The following FAM133B variants were observed in gnomAD, a reference collection of about 807,000 sequenced individuals.
FAM133B encodes the protein family with sequence similarity 133 member B.
FAM133B carries 25 observed loss-of-function variants against 46.4 expected under a neutral mutation model. That is an observed-to-expected ratio of 0.54 (90% CI 0.39 to 0.75). FAM133B has a LOEUF of 0.75. FAM133B is among the 30% of genes least tolerant of loss of function. The pLI, the probability that FAM133B is intolerant of heterozygous loss-of-function variation, is 0.00. For synonymous variants in FAM133B, 75 were observed against 86.0 expected (o/e 0.87, Z 0.71); for missense variants, 205 against 277.6 (o/e 0.74, Z 1.86).
At chr7:92,588,639 C>G (rs958978616) in intron 1 of FAM133B, among the ~76,000 whole-genome samples, 1 of 152,134 alleles carries the variant, frequency 6.6e-6, no homozygotes, top group Non-Finnish European at 1.5e-5. Flanking sequence ...TCTGTGTCCC[C>G]GCCCAAATCT....
At chr7:92,589,902 C>G in intron 1 of FAM133B, 1 of 301,566 alleles carries the variant, frequency 3.3e-6, no homozygotes, top group South Asian at 4.7e-5. Context: ...CGGATGCGTC[C>G]AAGGGCCTAA....
At chr7:92,589,661 C>T (rs1475165495) in intron 1 of FAM133B, among the ~76,000 whole-genome samples, 1 of 152,206 alleles carries the variant, frequency 6.6e-6, no homozygotes, top group Non-Finnish European at 1.5e-5. Flanking sequence ...ATTTTCACGC[C>T]ATTCATTCCC....
At chr7:92,586,412 A>G (rs1795038973) in intron 1 of FAM133B, among the ~76,000 whole-genome samples, 1 of 152,240 alleles carries the variant, frequency 6.6e-6, no homozygotes, top group Admixed American at 6.5e-5. Flanking sequence ...ATTTTCACAA[A>G]GGTACAGGAG....
chr7:92,565,149 CTTTTT>C (rs72450473), intron 10 of FAM133B, among the ~76,000 whole-genome samples: 2 of 130,464 alleles, frequency 1.5e-5, no homozygotes, highest in African/African-American at 2.8e-5. Flanking sequence ...GCTTATATTT[CTTTTT>C]TTTTTTTTTT....
At chr7:92,582,556 C>T (rs941599016) in intron 1 of FAM133B, among the ~76,000 whole-genome samples, 1 of 151,950 alleles carries the variant, frequency 6.6e-6, no homozygotes, top group African/African-American at 2.4e-5. Flanking sequence ...AGACAATTCA[C>T]AGAATGAGAG....
chr7:92,578,349 A>G lies in FAM133B; in HGVS notation c.246T>C (p.Ser82=), dbSNP rs773498241. ...TTTTTTTGGATGAGCTCTCACTTCC[A>G]CTTAACAATTTCTCCCTGTGTTTTT... ...ELEKHREKLL[S]GSESSSKKRQ... Residue 82 remains serine, a synonymous_variant, in exon 4 of 11, where the codon AGT becomes AGC. Coordinates refer to ENST00000445716, the MANE Select transcript of FAM133B (RefSeq NM_152789.4). The G allele has an allele frequency of 6.2e-7, 1 of 1,613,630 alleles. No homozygotes were observed. The highest frequency in any genetic ancestry group is 1.1e-5 in the South Asian group (1 of 91,042).
At chr7:92,589,907 G>C (rs1191427766) in intron 1 of FAM133B, 1 of 346,344 alleles carries the variant, frequency 2.9e-6, no homozygotes, top group Non-Finnish European at 5.4e-6. Flanking sequence ...GCGTCCAAGG[G>C]CCTAAGTCTT....
chr7:92,567,616 G>C (rs1469728140), intron 9 of FAM133B, among the ~76,000 whole-genome samples: 1 of 152,088 alleles, frequency 6.6e-6, no homozygotes, highest in African/African-American at 2.4e-5. Context: ...CAATGACTAA[G>C]GGTGACAGCA....
chr7:92,572,118 G>C (rs1794550411), intron 8 of FAM133B, among the ~76,000 whole-genome samples: 1 of 152,098 alleles, frequency 6.6e-6, no homozygotes, highest in African/African-American at 2.4e-5. Context: ...ACAAAGTAAA[G>C]AGACGCCATG....
At chr7:92,576,285 G>A (rs1303023097) in intron 7 of FAM133B, among the ~76,000 whole-genome samples, 1 of 152,212 alleles carries the variant, frequency 6.6e-6, no homozygotes, top group Admixed American at 6.5e-5. Context: ...GATTCAATGA[G>A]TTAATAAATT....
rs769332443 is a variant in FAM133B, at chr7:92,577,700, TGAA to T, written c.324_326del (p.Ser112del). 158 of 1,583,234 alleles carry T rather than the reference TGAA, an allele frequency of 1.0e-4. No homozygotes were observed. Among genetic ancestry groups the T allele is most frequent in the East Asian group, 1.6e-4 (7 of 43,932 alleles). Reference sequence around the variant, plus strand: ...AACTGCTGGAAGAATCAGAGCTTGATGAAGAAGAAGATGAATACTTGACCAAGC... The same window carrying T: ...AACTGCTGGAAGAATCAGAGCTTGATGAAGAAGATGAATACTTGACCAAGC... On this transcript the variant is annotated inframe_deletion, in exon 6 of 11. Transcript: ENST00000445716.
intron 10 of FAM133B, 145 bp from the exon 11 acceptor site, chr7:92,562,513 A>G: frequency 8.5e-7 from 1 of 1,181,754 alleles, no homozygotes; most frequent in Non-Finnish European, 1.1e-6. Context: ...AAAAGTCTCA[A>G]CAACCAGTAT....
intron 1 of FAM133B, among the ~76,000 whole-genome samples, chr7:92,587,626 T>TGG (rs1338389668): frequency 1.3e-5 from 2 of 151,976 alleles, no homozygotes; most frequent in Non-Finnish European, 2.9e-5. Flanking sequence ...CCCAGCTACT[T>TGG]GGGAGGCTGA....
intron 8 of FAM133B, among the ~76,000 whole-genome samples, chr7:92,571,371 T>C (rs1336929565): frequency 6.6e-6 from 1 of 152,216 alleles, no homozygotes; most frequent in African/African-American, 2.4e-5. Flanking sequence ...CTTTTTTCCT[T>C]ATTAAAGATC....
At chr7:92,573,703 G>A (rs10226732) in intron 8 of FAM133B, among the ~76,000 whole-genome samples, 3,085 of 149,024 alleles carry the variant, frequency 0.021, 109 homozygotes, top group African/African-American at 0.073. Flanking sequence ...TTTTATAATC[G>A]TTCTGAAAAT....
intron 1 of FAM133B, among the ~76,000 whole-genome samples, chr7:92,589,665 C>A (rs1255946713): frequency 6.6e-6 from 1 of 152,222 alleles, no homozygotes; most frequent in African/African-American, 2.4e-5. Context: ...TCACGCCATT[C>A]ATTCCCTCAC....
intron 1 of FAM133B, among the ~76,000 whole-genome samples, chr7:92,583,643 C>T (rs996902029): frequency 2.6e-5 from 4 of 152,098 alleles, no homozygotes; most frequent in South Asian, 2.1e-4. Context: ...TATTAAAATT[C>T]GCATTGCTAC....
intron 1 of FAM133B, among the ~76,000 whole-genome samples, chr7:92,583,700 GT>G (rs1794954349): frequency 6.6e-6 from 1 of 151,894 alleles, no homozygotes. Context: ...CTTCTATTTA[GT>G]TTTTCCAAAT....
At chr7:92,590,229 C>T (rs878997889) in intron 1 of FAM133B, 39 bp downstream of exon 1, 3 of 1,613,546 alleles carry the variant, frequency 1.9e-6, no homozygotes, top group South Asian at 2.2e-5. Context: ...TGCCGCCGGG[C>T]CCTGCGTCGC....
Sources: gnomAD v4.1 joint callset for allele counts (sites outside exome capture counted in the v4.1 genomes callset) on GRCh38, gnomAD v4.1.1 for gene constraint, MANE v1.5 for transcripts, NCBI Gene and HGNC (gene_info 2026-07-23, HGNC 2026-07-21) for gene names.